The following SEMA3C variants were observed in gnomAD, a reference collection of about 807,000 sequenced individuals.
SEMA3C encodes the protein semaphorin 3C.
SEMA3C carries 47 observed loss-of-function variants against 89.4 expected under a neutral mutation model. That is an observed-to-expected ratio of 0.53 (90% CI 0.42 to 0.67). SEMA3C has a LOEUF of 0.67. SEMA3C is among the 30% of genes least tolerant of loss of function. The pLI is 0.00. For missense variants in SEMA3C, 839 were observed against 929.1 expected (o/e 0.90, Z 1.26); for synonymous variants, 310 against 320.2 (o/e 0.97, Z 0.34).
intron 1 of SEMA3C, chr7:80,918,393 AT>A (rs1218316174): frequency 6.6e-6 from 1 of 152,204 alleles, no homozygotes; most frequent in East Asian, 1.9e-4. Flanking sequence ...CTACAGGGCA[AT>A]TTGATTTACA....
intron 2 of SEMA3C, among the ~76,000 whole-genome samples, chr7:80,872,413 A>G (rs191914249): frequency 6.6e-6 from 1 of 152,184 alleles, no homozygotes; most frequent in East Asian, 1.9e-4. Flanking sequence ...TCAGCCTCCC[A>G]AAGTGCTGAG....
chr7:80,786,687 C>T (rs937811804), intron 12 of SEMA3C, among the ~76,000 whole-genome samples: 1 of 152,188 alleles, frequency 6.6e-6, no homozygotes, highest in African/African-American at 2.4e-5. Context: ...TTAGCTTTTA[C>T]AGTCACATTT....
chr7:80,899,574 C>T (rs1028819212), intron 2 of SEMA3C, among the ~76,000 whole-genome samples: 5 of 152,034 alleles, frequency 3.3e-5, no homozygotes, highest in African/African-American at 1.2e-4. Context: ...AGAACTTTTG[C>T]TTTAAATATA....
chr7:80,751,212 T>C, intron 16 of SEMA3C, 57 bp downstream of exon 16: 1 of 1,347,264 alleles, frequency 7.4e-7, no homozygotes, highest in African/African-American at 1.4e-5. Flanking sequence ...CTTACTGAAA[T>C]GTGATACGGA....
chr7:80,751,926 C>G (rs73370841), intron 15 of SEMA3C, among the ~76,000 whole-genome samples: 24,158 of 152,064 alleles, frequency 0.16, 2,126 homozygotes, highest in East Asian at 0.41. Flanking sequence ...CAGAAAAGTA[C>G]AGATATGAGT....
At chr7:80,758,263 G>A (rs975370162) in intron 15 of SEMA3C, 68 bp downstream of exon 15, 6 of 1,500,654 alleles carry the variant, frequency 4.0e-6, no homozygotes, top group African/African-American at 1.4e-5. Context: ...TAATTCTAAA[G>A]ATGTGAAACA....
At chr7:80,893,187 G>A (rs897399104) in intron 2 of SEMA3C, among the ~76,000 whole-genome samples, 1 of 151,954 alleles carries the variant, frequency 6.6e-6, no homozygotes, top group African/African-American at 2.4e-5. Flanking sequence ...AATGTACCTT[G>A]AATTCCAAAC....
chr7:80,757,541 C>T (rs1442801533), intron 15 of SEMA3C, among the ~76,000 whole-genome samples: 2 of 152,176 alleles, frequency 1.3e-5, no homozygotes, highest in East Asian at 1.9e-4. Flanking sequence ...GGTATCCATG[C>T]TGAAATAATA....
intron 4 of SEMA3C, among the ~76,000 whole-genome samples, chr7:80,824,885 A>G (rs899405402): frequency 1.3e-5 from 2 of 152,146 alleles, no homozygotes; most frequent in African/African-American, 4.8e-5. Context: ...GGCGTGTTCC[A>G]TTAAATGTTG....
intron 15 of SEMA3C, among the ~76,000 whole-genome samples, chr7:80,755,186 A>T (rs577768063): frequency 6.6e-6 from 1 of 151,394 alleles, no homozygotes; most frequent in East Asian, 1.9e-4. Context: ...AATGCAAAGA[A>T]CTGCATGATA....
In SEMA3C at chr7:80,745,126, G is replaced by C; in HGVS notation, c.2024C>G (p.Ser675Cys). 6.2e-7 allele frequency: 1 copy of C among 1,613,988 alleles called. No homozygotes were observed. Among genetic ancestry groups the C allele is most frequent in the Non-Finnish European group, 8.5e-7 (1 of 1,179,972 alleles). ...EMVAVVTDKW[S>C]PWTWASSVRA... is the part of the protein sequence containing the mutation. ...CACAGAGCTGGCCCAGGTCCATGGG[G>C]ACCATTTGTCCGTCACAACAGCCAC... The change falls in exon 18 of 18, where the codon TCC (serine) becomes TGC (cysteine). Residue 675 changes from serine (S) to cysteine (C), a missense_variant. Transcript: ENST00000265361.
At chr7:80,779,418 T>C (rs1244925077) in intron 12 of SEMA3C, among the ~76,000 whole-genome samples, 1 of 152,144 alleles carries the variant, frequency 6.6e-6, no homozygotes, top group Non-Finnish European at 1.5e-5. Flanking sequence ...GCTATTTCTT[T>C]CCCCCATTTG....
chr7:80,783,647 T>C (rs934927525), intron 12 of SEMA3C, among the ~76,000 whole-genome samples: 3 of 152,238 alleles, frequency 2.0e-5, no homozygotes, highest in East Asian at 3.8e-4. Context: ...TAAGGAGTTC[T>C]TTAAAAATCA....
chr7:80,791,386 T>A (rs1041294512), intron 11 of SEMA3C, among the ~76,000 whole-genome samples: 3 of 152,208 alleles, frequency 2.0e-5, no homozygotes, highest in African/African-American at 7.2e-5. Context: ...ATTAAATTCC[T>A]GTCGATATCT....
intron 1 of SEMA3C, among the ~76,000 whole-genome samples, chr7:80,917,123 C>A (rs887641380): frequency 6.6e-6 from 1 of 152,186 alleles, no homozygotes; most frequent in Non-Finnish European, 1.5e-5. Flanking sequence ...AATATTTTAA[C>A]GGATCTTCTC....
rs151234998 is a variant in SEMA3C at position 80,889,908 on chromosome 7, T to C, written c.103+26771A>G. ...AATCATTCAGATTATACCTTTGGTA[T>C]CTTTAAGCAAATTAGTCAAACTATT... On this transcript the variant is annotated intron_variant, in intron 2 of 17. Coordinates refer to ENST00000265361, the MANE Select transcript of SEMA3C (RefSeq NM_006379.5). Among the ~76,000 whole-genome samples the C allele has an allele frequency of 1.7e-3, 259 of 152,302 alleles. 1 individual carries two copies. The highest frequency in any genetic ancestry group is 5.8e-3 in the African/African-American group (242 of 41,566).
intron 2 of SEMA3C, among the ~76,000 whole-genome samples, chr7:80,910,950 A>G (rs1184876488): frequency 6.6e-6 from 1 of 152,088 alleles, no homozygotes; most frequent in East Asian, 1.9e-4. Flanking sequence ...AGTGTATAAT[A>G]ATTTTTTTCT....
intron 12 of SEMA3C, 26 bp from the exon 13 acceptor site, chr7:80,765,269 A>G: frequency 6.6e-7 from 1 of 1,516,102 alleles, no homozygotes; most frequent in Non-Finnish European, 9.1e-7. Context: ...AAGAAATGAG[A>G]TGTTACAATA....
chr7:80,796,971 CTAAT>C (rs1437340281), intron 11 of SEMA3C, among the ~76,000 whole-genome samples: 1 of 151,412 alleles, frequency 6.6e-6, no homozygotes, highest in Non-Finnish European at 1.5e-5. Flanking sequence ...CAAATAAACT[CTAAT>C]AAGAAAAATA....
Sources: allele counts gnomAD v4.1 joint callset (sites outside exome capture counted in the v4.1 genomes callset), GRCh38; gene constraint gnomAD v4.1.1; transcripts MANE v1.5; gene names NCBI Gene and HGNC (gene_info 2026-07-23, HGNC 2026-07-21).